Variants in RYR3 observed in about 807,000 individuals in gnomAD.
The protein encoded by RYR3 is brain ryanodine receptor-calcium release channel.
Under a neutral mutation model 584.3 loss-of-function variants are expected in RYR3, and 207 were observed. The observed-to-expected ratio is 0.35, with a 90% confidence interval of 0.32 to 0.40. The LOEUF (loss-of-function observed/expected upper bound fraction) is 0.40, where lower values mean the gene tolerates loss of function less well. Ranked by LOEUF, RYR3 falls within the 10% of genes least tolerant of loss-of-function variation. The pLI is 1.00. For synonymous variants in RYR3, 2,416 were observed against 2,248.5 expected (o/e 1.07, Z -2.11); for missense variants, 5,616 against 6,089.2 (o/e 0.92, Z 2.59).
At chr15:33,664,613 A>ATATATATATATATATATG (rs1555399525) in intron 36 of RYR3, among the ~76,000 whole-genome samples, 2 of 141,352 alleles carry the variant, frequency 1.4e-5, no homozygotes, top group African/African-American at 5.4e-5. Context: ...ATATATATAT[A>ATATATATATATATATATG]TACGTATGTA....
intron 3 of RYR3, among the ~76,000 whole-genome samples, chr15:33,515,365 A>G (rs2053418850): frequency 6.6e-6 from 1 of 152,192 alleles, no homozygotes; most frequent in Non-Finnish European, 1.5e-5. Context: ...AGGTGGAGCA[A>G]TAGGGATACA....
At chr15:33,722,624 A>G (rs2068026012) in intron 43 of RYR3, 91 bp from the exon 44 acceptor site, 8 of 1,301,300 alleles carry the variant, frequency 6.1e-6, no homozygotes, top group Non-Finnish European at 8.8e-6. Context: ...GATAAGCTGA[A>G]CAAAATACTG....
intron 70 of RYR3, 69 bp downstream of exon 70, chr15:33,807,638 G>A: frequency 6.9e-7 from 1 of 1,445,140 alleles, no homozygotes; most frequent in Non-Finnish European, 9.5e-7. Context: ...GGCCCCCTCT[G>A]CACTGTGATC....
intron 38 of RYR3, among the ~76,000 whole-genome samples, chr15:33,686,152 G>T (rs1445635395): frequency 2.6e-5 from 4 of 152,184 alleles, no homozygotes; most frequent in African/African-American, 4.8e-5. Context: ...CAATCCAGGA[G>T]CTGGTTTTTT....
intron 18 of RYR3, among the ~76,000 whole-genome samples, chr15:33,606,338 T>C (rs1009556725): frequency 2.0e-5 from 3 of 152,200 alleles, no homozygotes; most frequent in Non-Finnish European, 4.4e-5. Context: ...ACTGCAGTTA[T>C]AAAGACCAAA....
intron 1 of RYR3, among the ~76,000 whole-genome samples, chr15:33,459,486 T>C (rs2142054018): frequency 6.6e-6 from 1 of 152,260 alleles, no homozygotes; most frequent in African/African-American, 2.4e-5. Flanking sequence ...GGGAAAGCTG[T>C]GCTTTCTGGT....
rs759537829 is a variant in RYR3 at position 33,447,381 on chromosome 15, G to A, written c.52-26038G>A. 1.3e-5 allele frequency among the ~76,000 whole-genome samples: 2 copies of A among 152,194 alleles called. 1 individual carries two copies. The highest frequency in any genetic ancestry group is 2.9e-5 in the Non-Finnish European group (2 of 68,040). ...AGTCTTCAAAGCAACAGGAGAACTG[G>A]ACATTCTGTTAATGGTAGGTCAGGA... On this transcript the variant is annotated intron_variant, in intron 1 of 103. Coordinates refer to ENST00000634891, the MANE Select transcript of RYR3 (RefSeq NM_001036.6).
At chr15:33,810,923 A>T (rs930392772) in intron 71 of RYR3, 55 bp from the exon 72 acceptor site, 1 of 1,446,978 alleles carries the variant, frequency 6.9e-7, no homozygotes, top group Non-Finnish European at 9.6e-7. Context: ...CCCATATGCT[A>T]CTTGACAGTT....
chr15:33,790,164 T>C (rs574485799), intron 67 of RYR3, among the ~76,000 whole-genome samples: 9 of 151,564 alleles, frequency 5.9e-5, no homozygotes, highest in African/African-American at 2.2e-4. Context: ...CTAATTTTTA[T>C]TGTATTTTTT....
chr15:33,842,217 G>T (rs997466428), intron 91 of RYR3, among the ~76,000 whole-genome samples, 182 bp downstream of exon 91: 1 of 152,196 alleles, frequency 6.6e-6, no homozygotes, highest in Non-Finnish European at 1.5e-5. Context: ...AGAAAAGGGG[G>T]AGAGCCTGGA....
At position 33,830,657 on chromosome 15, in the gene RYR3, A is replaced by G. The variant is rs970185445; in HGVS notation, c.11335-306A>G. 18 of 221,954 alleles carry G rather than the reference A, an allele frequency of 8.1e-5. No individual in the cohort carries two copies. In the South Asian group the frequency reaches 1.3e-3, roughly 16 times the overall value. The allele number at this position is 221,954 out of a possible 1,614,324, so 13.7% of individuals were successfully genotyped here. A position where few individuals can be genotyped will look rare whatever the true frequency, so the allele number is the denominator to read the frequency against. ...TAGCTATTATGTTGTTGCTGTTACT[A>G]TGATTATTTGGATAATTACCATTAT... On this transcript the variant is annotated intron_variant, in intron 85 of 103. Coordinates refer to ENST00000634891, the MANE Select transcript of RYR3 (RefSeq NM_001036.6).
At chr15:33,601,277 A>G (rs2059647716) in intron 16 of RYR3, 142 bp from the exon 17 acceptor site, 9 of 773,542 alleles carry the variant, frequency 1.2e-5, no homozygotes, top group Non-Finnish European at 1.7e-5. Context: ...GTAAGAGGCA[A>G]AGCTTCCTTG....
At chr15:33,591,028 C>T (rs1010520908) in intron 16 of RYR3, among the ~76,000 whole-genome samples, 1 of 152,168 alleles carries the variant, frequency 6.6e-6, no homozygotes, top group African/African-American at 2.4e-5. Context: ...GTGAAAAAGA[C>T]AGGAGTGTGT....
At chr15:33,501,560 T>C (rs2051992916) in intron 2 of RYR3, among the ~76,000 whole-genome samples, 1 of 152,206 alleles carries the variant, frequency 6.6e-6, no homozygotes, top group Non-Finnish European at 1.5e-5. Flanking sequence ...TCATTCATTC[T>C]GATGAATTGG....
intron 3 of RYR3, among the ~76,000 whole-genome samples, chr15:33,514,962 C>T (rs1232273602): frequency 6.6e-6 from 1 of 151,976 alleles, no homozygotes; most frequent in Non-Finnish European, 1.5e-5. Context: ...CGAGATCGCG[C>T]CACTGCACTC....
chr15:33,725,270 A>G (rs1321062192), intron 45 of RYR3, among the ~76,000 whole-genome samples: 2 of 151,334 alleles, frequency 1.3e-5, no homozygotes, highest in Non-Finnish European at 2.9e-5. Context: ...GAAGGATGCC[A>G]TCATCACCAA....
chr15:33,490,716 G>A (rs2050892270), intron 2 of RYR3, among the ~76,000 whole-genome samples: 2 of 142,106 alleles, frequency 1.4e-5, no homozygotes, highest in Admixed American at 7.2e-5. Context: ...AAAATTTCAA[G>A]TAAACAGCTA....
intron 64 of RYR3, among the ~76,000 whole-genome samples, chr15:33,779,043 G>A (rs922223181): frequency 6.6e-6 from 1 of 152,084 alleles, no homozygotes; most frequent in Admixed American, 6.6e-5. Context: ...GTGGCTTTTC[G>A]AAGGAATGCA....
intron 1 of RYR3, among the ~76,000 whole-genome samples, chr15:33,435,713 C>G (rs1248692372): frequency 6.6e-6 from 1 of 152,184 alleles, no homozygotes; most frequent in African/African-American, 2.4e-5. Context: ...TTGTTCCTCC[C>G]GGTAGGTTCC....
Sources: gnomAD v4.1 joint callset for allele counts (sites outside exome capture counted in the v4.1 genomes callset) on GRCh38, gnomAD v4.1.1 for gene constraint, MANE v1.5 for transcripts, NCBI Gene and HGNC (gene_info 2026-07-23, HGNC 2026-07-21) for gene names.